Variants in UBE2E2 observed in about 807,000 individuals in gnomAD.
UBE2E2 encodes the protein ubiquitin conjugating enzyme E2 E2, also known as ubiquitin-conjugating enzyme E2 E2.
Under a neutral mutation model 24.7 loss-of-function variants are expected in UBE2E2, and 6 were observed. The ratio of observed to expected loss-of-function variants is 0.24; its 90% CI spans 0.13 to 0.48. UBE2E2 has a LOEUF of 0.48. Ranked by LOEUF, UBE2E2 falls within the 20% of genes least tolerant of loss-of-function variation. The pLI is 0.99. For synonymous variants in UBE2E2, 104 were observed against 83.6 expected, an observed-to-expected ratio of 1.24 and a Z score of -1.33; for missense variants, 169 against 245.0, an observed-to-expected ratio of 0.69 and a Z score of 2.07.
chr3:23,424,227 TAAAAG>T (rs1457777943), intron 3 of UBE2E2, among the ~76,000 whole-genome samples: 4 of 152,058 alleles, frequency 2.6e-5, no homozygotes, highest in East Asian at 1.9e-4. Flanking sequence ...ATCTAAGAAA[TAAAAG>T]AAAAGCTACA....
At chr3:23,402,209 A>T (rs1697243909) in intron 3 of UBE2E2, among the ~76,000 whole-genome samples, 1 of 152,134 alleles carries the variant, frequency 6.6e-6, no homozygotes, top group Non-Finnish European at 1.5e-5. Flanking sequence ...CCCTTAGTTG[A>T]TAAGTTAATT....
chr3:23,287,773 C>CTT (rs34258354), intron 3 of UBE2E2, among the ~76,000 whole-genome samples: 4,182 of 138,942 alleles, frequency 0.03, 97 homozygotes, highest in East Asian at 0.13. Flanking sequence ...ATGTCTCTCT[C>CTT]TTTTTTTTTT....
Position 23,320,345 on chromosome 3 carries a change from G to A in UBE2E2, c.227+103033G>A, listed in dbSNP as rs570018899. Among the ~76,000 whole-genome samples the A allele has an allele frequency of 2.6e-5, 4 of 152,290 alleles. No individual in the cohort carries two copies. In the East Asian group the frequency reaches 7.7e-4, roughly 29 times the overall value. On this transcript the variant is annotated intron_variant, in intron 3 of 5. Coordinates refer to ENST00000396703, the MANE Select transcript of UBE2E2 (RefSeq NM_152653.4). ...ATTACTCCACTCTAATTCTTTGCAA[G>A]TTGTAGGCTTGAATAGCCTTTTTCT...
At chr3:23,228,882 C>T (rs1459669524) in intron 3 of UBE2E2, among the ~76,000 whole-genome samples, 4 of 152,172 alleles carry the variant, frequency 2.6e-5, no homozygotes, top group South Asian at 2.1e-4. Flanking sequence ...CACACACTTT[C>T]GCCTATTTGG....
At chr3:23,227,159 T>C (rs1696849390) in intron 3 of UBE2E2, among the ~76,000 whole-genome samples, 1 of 152,184 alleles carries the variant, frequency 6.6e-6, no homozygotes, top group Admixed American at 6.5e-5. Flanking sequence ...CTACGGATCT[T>C]AAAATTGATA....
At chr3:23,308,652 T>G (rs909665950) in intron 3 of UBE2E2, among the ~76,000 whole-genome samples, 1 of 152,178 alleles carries the variant, frequency 6.6e-6, no homozygotes, top group African/African-American at 2.4e-5. Context: ...CTTACAAGAT[T>G]AGCTGAGTGT....
intron 3 of UBE2E2, among the ~76,000 whole-genome samples, chr3:23,433,921 A>G (rs892176158): frequency 1.3e-5 from 2 of 152,160 alleles, no homozygotes; most frequent in Non-Finnish European, 1.5e-5. Context: ...GGGAAAAAAG[A>G]TTCCCCTTTT....
At chr3:23,334,447 C>G (rs540567330) in intron 3 of UBE2E2, among the ~76,000 whole-genome samples, 1 of 151,938 alleles carries the variant, frequency 6.6e-6, no homozygotes, top group Non-Finnish European at 1.5e-5. Context: ...TTGGTGGTAC[C>G]TACTCATAGG....
At chr3:23,570,808 A>T (rs1305924280) in intron 5 of UBE2E2, among the ~76,000 whole-genome samples, 1 of 152,226 alleles carries the variant, frequency 6.6e-6, no homozygotes, top group East Asian at 1.9e-4. Context: ...ATCAAATAAT[A>T]GTTTTCAAAT....
At chr3:23,342,734 G>A (rs1452709728) in intron 3 of UBE2E2, among the ~76,000 whole-genome samples, 1 of 152,120 alleles carries the variant, frequency 6.6e-6, no homozygotes, top group African/African-American at 2.4e-5. Flanking sequence ...ATATAAATGA[G>A]TATTAGCATC....
At chr3:23,390,832 CTTG>C (rs1284240007) in intron 3 of UBE2E2, among the ~76,000 whole-genome samples, 1 of 152,154 alleles carries the variant, frequency 6.6e-6, no homozygotes, top group Admixed American at 6.5e-5. Flanking sequence ...ATCTTGTTAT[CTTG>C]TTGTATATGA....
At chr3:23,330,001 T>C (rs1176649172) in intron 3 of UBE2E2, among the ~76,000 whole-genome samples, 1 of 152,162 alleles carries the variant, frequency 6.6e-6, no homozygotes, top group Admixed American at 6.5e-5. Context: ...ATTGTGCATT[T>C]AAAAAAACAG....
intron 3 of UBE2E2, among the ~76,000 whole-genome samples, chr3:23,259,752 A>G (rs940295195): frequency 1.3e-5 from 2 of 152,236 alleles, no homozygotes; most frequent in African/African-American, 2.4e-5. Flanking sequence ...GGCCCTAACC[A>G]TGAAAAACTT....
chr3:23,305,462 T>G (rs940326110), intron 3 of UBE2E2, among the ~76,000 whole-genome samples: 1 of 152,214 alleles, frequency 6.6e-6, no homozygotes, highest in African/African-American at 2.4e-5. Context: ...TTAGATACAT[T>G]GCGGTGATTT....
At chr3:23,356,960 G>T (rs1324235347) in intron 3 of UBE2E2, among the ~76,000 whole-genome samples, 3 of 152,172 alleles carry the variant, frequency 2.0e-5, no homozygotes, top group Non-Finnish European at 4.4e-5. Context: ...GTGATTCTCT[G>T]GGGTGACTGA....
chr3:23,311,216 G>A (rs562742494), intron 3 of UBE2E2, among the ~76,000 whole-genome samples: 32 of 152,232 alleles, frequency 2.1e-4, no homozygotes, highest in Non-Finnish European at 4.3e-4. Flanking sequence ...CGTAGTATTC[G>A]ATGGTGTATA....
At chr3:23,473,341 G>A (rs1699064910) in intron 3 of UBE2E2, among the ~76,000 whole-genome samples, 1 of 151,916 alleles carries the variant, frequency 6.6e-6, no homozygotes, top group Admixed American at 6.6e-5. Context: ...CAGTTTACAT[G>A]GTCTTTACTG....
intron 3 of UBE2E2, among the ~76,000 whole-genome samples, chr3:23,414,872 A>G (rs1181577727): frequency 6.6e-6 from 1 of 152,206 alleles, no homozygotes; most frequent in Non-Finnish European, 1.5e-5. Context: ...GAATCTGCTC[A>G]TGTCTTGATC....
At chr3:23,523,221 A>G (rs1694909301) in intron 4 of UBE2E2, among the ~76,000 whole-genome samples, 1 of 152,198 alleles carries the variant, frequency 6.6e-6, no homozygotes, top group Admixed American at 6.5e-5. Flanking sequence ...AGTCATACCA[A>G]GCATCCTGCG....
Sources: allele counts gnomAD v4.1 joint callset (sites outside exome capture counted in the v4.1 genomes callset), GRCh38; gene constraint gnomAD v4.1.1; transcripts MANE v1.5; gene names NCBI Gene and HGNC (gene_info 2026-07-23, HGNC 2026-07-21).